Variants in CLVS1 observed in about 807,000 individuals in gnomAD.
CLVS1 encodes clavesin-1.
Under a neutral mutation model 33.1 loss-of-function variants are expected in CLVS1, and 10 were observed. The ratio of observed to expected loss-of-function variants is 0.30; its 90% CI spans 0.19 to 0.51. The LOEUF is 0.51. Ranked by LOEUF, CLVS1 falls within the 20% of genes least tolerant of loss-of-function variation. The pLI, the probability that CLVS1 is intolerant of heterozygous loss-of-function variation, is 0.97. For missense variants in CLVS1, 343 were observed against 433.4 expected, an observed-to-expected ratio of 0.79 and a Z score of 1.85; for synonymous variants, 163 against 166.1, an observed-to-expected ratio of 0.98 and a Z score of 0.14.
At chr8:61,194,022 A>C (rs1437794375) in intron 2 of CLVS1, among the ~76,000 whole-genome samples, 3 of 149,084 alleles carry the variant, frequency 2.0e-5, no homozygotes, top group Non-Finnish European at 4.5e-5. Context: ...AGTTTCATAT[A>C]TATGTTTTAA....
intron 3 of CLVS1, among the ~76,000 whole-genome samples, chr8:61,442,879 A>G (rs979967177): frequency 6.6e-6 from 1 of 152,286 alleles, no homozygotes; most frequent in Admixed American, 6.5e-5. Flanking sequence ...ATTATAAGGC[A>G]TGAGCCACTG....
intron 2 of CLVS1, among the ~76,000 whole-genome samples, chr8:61,156,804 G>A (rs2129295871): frequency 6.6e-6 from 1 of 152,198 alleles, no homozygotes; most frequent in African/African-American, 2.4e-5. Flanking sequence ...ATAAAAATTG[G>A]TCAGGCCACT....
intron 3 of CLVS1, among the ~76,000 whole-genome samples, chr8:61,430,853 A>G (rs989227760): frequency 2.0e-5 from 3 of 152,172 alleles, no homozygotes; most frequent in Admixed American, 2.0e-4. Flanking sequence ...CAGGAGGTTC[A>G]GTTCTTCTGT....
rs1353294418 is a variant in CLVS1 at position 61,246,211 on chromosome 8, C to T, written c.-151-53466C>T. Among the ~76,000 whole-genome samples, 15 of 107,298 alleles carry T rather than the reference C, an allele frequency of 1.4e-4. No homozygotes were observed. The Admixed American group carries it at 1.9e-3, about 14-fold the overall frequency. 70.4% of individuals were successfully genotyped at this position (107,298 alleles called of 152,430 possible). ...TTTTTTTTTTTGAGACGGAGTCTCA[C>T]TCTGTCACCAGGCTGGAGTGTGATC... On this transcript the variant is annotated intron_variant, in intron 2 of 2. Transcript: ENST00000522621.
At chr8:61,412,952 C>T (rs894762327) in intron 3 of CLVS1, among the ~76,000 whole-genome samples, 3 of 152,198 alleles carry the variant, frequency 2.0e-5, no homozygotes, top group African/African-American at 4.8e-5. Context: ...TTTTCCCCCA[C>T]GCTAATAATG....
chr8:61,449,123 C>T (rs1816863588), intron 3 of CLVS1, among the ~76,000 whole-genome samples: 2 of 152,122 alleles, frequency 1.3e-5, no homozygotes, highest in Admixed American at 1.3e-4. Flanking sequence ...CCATGTTCCT[C>T]ACTCAGCCTC....
At position 61,458,445 on chromosome 8, in the gene CLVS1, G is replaced by A. The variant is rs1817243391; in HGVS notation, c.880G>A (p.Asp294Asn). Residue 294 changes from aspartate to asparagine, a missense_variant, in exon 5 of 6, where the codon GAT becomes AAT. Asp to Asn is a conservative substitution (Grantham distance 23, BLOSUM62 1). Coordinates refer to ENST00000325897, the MANE Select transcript of CLVS1 (RefSeq NM_173519.3). Reference protein sequence around the residue: ...ARTLLGPDYSDENDYTHTSYN... With the variant: ...ARTLLGPDYSNENDYTHTSYN... ...GACGTTACTCGGTCCCGACTACAGC[G>A]ATGAAAATGACTATACTCACACATC... 1.2e-6 allele frequency: 2 copies of A among 1,613,854 alleles called. No homozygotes were observed. The highest frequency in any genetic ancestry group is 1.3e-5 in the African/African-American group (1 of 74,890).
the CLVS1 span, among the ~76,000 whole-genome samples, chr8:61,011,919 C>G: frequency 2.0e-5 from 3 of 152,204 alleles, no homozygotes; most frequent in African/African-American, 7.2e-5. Flanking sequence ...CGTCTGTTTA[C>G]CTTCAGTGTC....
chr8:61,338,664 A>C (rs1811892376), intron 2 of CLVS1, among the ~76,000 whole-genome samples: 1 of 152,204 alleles, frequency 6.6e-6, no homozygotes. Flanking sequence ...GCAGATTCTC[A>C]AAGGAGCAGC....
chr8:61,065,715 TA>T (rs1263671355), intron 1 of CLVS1, among the ~76,000 whole-genome samples: 4 of 152,234 alleles, frequency 2.6e-5, no homozygotes, highest in Non-Finnish European at 2.9e-5. Flanking sequence ...CTCAGAAAGC[TA>T]AGTAAGGGTA....
intron 2 of CLVS1, among the ~76,000 whole-genome samples, chr8:61,273,576 G>A (rs1330387894): frequency 1.4e-4 from 21 of 152,310 alleles, no homozygotes; most frequent in East Asian, 1.2e-3. Context: ...AATGGCGGGC[G>A]CCCCTCCCCC....
At chr8:61,009,590 G>A in the CLVS1 span, among the ~76,000 whole-genome samples, 14 of 152,072 alleles carry the variant, frequency 9.2e-5, no homozygotes, top group African/African-American at 3.4e-4. Context: ...ATACCCCCTT[G>A]CCCGATTTTG....
the CLVS1 span, among the ~76,000 whole-genome samples, chr8:60,990,650 G>A: frequency 6.6e-6 from 1 of 151,808 alleles, no homozygotes; most frequent in Non-Finnish European, 1.5e-5. Flanking sequence ...CTTTTTAATA[G>A]TAACTGATGT....
chr8:61,078,746 T>G (rs1304418472), intron 1 of CLVS1, among the ~76,000 whole-genome samples: 1 of 152,222 alleles, frequency 6.6e-6, no homozygotes, highest in Non-Finnish European at 1.5e-5. Context: ...CTTGAGAGAC[T>G]CCTTTTGAGT....
intron 1 of CLVS1, among the ~76,000 whole-genome samples, chr8:61,121,552 A>G (rs1306844225): frequency 6.6e-6 from 1 of 152,216 alleles, no homozygotes; most frequent in Non-Finnish European, 1.5e-5. Context: ...TCACAGATGG[A>G]TATAAAAATG....
At chr8:61,287,450 G>A (rs1011191166), upstream of CLVS1, among the ~76,000 whole-genome samples, 6 of 152,048 alleles carry the variant, frequency 3.9e-5, no homozygotes, top group African/African-American at 9.6e-5. Context: ...CTGACATTCA[G>A]GAGTGTTTTT....
chr8:61,494,034 A>C (rs777948253), intron 5 of CLVS1, among the ~76,000 whole-genome samples: 1 of 152,188 alleles, frequency 6.6e-6, no homozygotes, highest in South Asian at 2.1e-4. Context: ...TTAGCTGTTG[A>C]GATAAGGTAG....
intron 2 of CLVS1, among the ~76,000 whole-genome samples, chr8:61,155,810 G>T: frequency 6.7e-6 from 1 of 150,072 alleles, no homozygotes; most frequent in Non-Finnish European, 1.5e-5. Context: ...AAGAAAAGGA[G>T]ACTAAAAGCC....
intron 1 of CLVS1, among the ~76,000 whole-genome samples, chr8:61,074,399 T>TTATATA (rs796909464): frequency 0.11 from 5,839 of 55,548 alleles, 418 homozygotes; most frequent in East Asian, 0.29. Context: ...TATATATATG[T>TTATATA]TATATATATA....
Sources: gnomAD v4.1 joint callset for allele counts (sites outside exome capture counted in the v4.1 genomes callset) on GRCh38, gnomAD v4.1.1 for gene constraint, MANE v1.5 for transcripts, NCBI Gene and HGNC (gene_info 2026-07-23, HGNC 2026-07-21) for gene names.